The following DMD variants were observed in gnomAD, a reference collection of about 807,000 sequenced individuals.
The protein encoded by DMD is dystrophin.
In DMD, 63 loss-of-function variants were observed where a neutral mutation model predicts 330.1. That is an observed-to-expected ratio of 0.19 (90% CI 0.16 to 0.24). The LOEUF is 0.24. Among genes scored for constraint, DMD ranks in the 10% least tolerant of loss-of-function variants. The pLI, the probability that DMD is intolerant of heterozygous loss-of-function variation, is 1.00. For synonymous variants in DMD, 1,223 were observed against 959.8 expected (o/e 1.27, Z -5.07); for missense variants, 3,344 against 2,684.1 (o/e 1.25, Z -5.43).
intron 2 of DMD, among the ~76,000 whole-genome samples, chrX:32,953,950 C>T (rs892569917): frequency 7.1e-5 from 8 of 112,061 alleles, no homozygotes; most frequent in African/African-American, 2.6e-4. Context: ...CTTGTTAATG[C>T]GTTCCTCAGA....
intron 52 of DMD, among the ~76,000 whole-genome samples, chrX:31,711,981 G>T (rs947839770): frequency 2.7e-5 from 3 of 110,669 alleles, no homozygotes; most frequent in African/African-American, 9.9e-5. Context: ...TACTATAACG[G>T]CATTTGAAAA....
At chrX:32,421,551 C>A (rs2098189908) in intron 29 of DMD, among the ~76,000 whole-genome samples, 2 of 111,777 alleles carry the variant, frequency 1.8e-5, no homozygotes, top group East Asian at 5.7e-4. Flanking sequence ...CAGATAAACA[C>A]TGGCAGAATG....
intron 21 of DMD, among the ~76,000 whole-genome samples, chrX:32,484,092 A>G (rs528448240): frequency 9.0e-6 from 1 of 111,384 alleles, no homozygotes; most frequent in East Asian, 2.8e-4. Context: ...TCAGAAAAAT[A>G]CTTTTATCTT....
intron 2 of DMD, among the ~76,000 whole-genome samples, chrX:32,876,445 G>A (rs990029328): frequency 1.8e-5 from 2 of 111,767 alleles, no homozygotes; most frequent in African/African-American, 6.5e-5. Context: ...TTATTCTGTA[G>A]ATTGTATTTT....
intron 68 of DMD, among the ~76,000 whole-genome samples, chrX:31,182,369 T>C (rs1405333806): frequency 8.9e-6 from 1 of 112,408 alleles, no homozygotes; most frequent in Non-Finnish European, 1.9e-5. Flanking sequence ...GGGAAGTTTC[T>C]ATAAACAGGA....
chrX:32,098,946 T>C (rs1375974234), intron 44 of DMD, among the ~76,000 whole-genome samples: 1 of 112,150 alleles, frequency 8.9e-6, no homozygotes, highest in East Asian at 2.8e-4. Context: ...CATTAAAAAG[T>C]TCCAGAATCG....
chrX:31,691,936 A>G (rs2083153014), intron 52 of DMD, among the ~76,000 whole-genome samples: 1 of 111,802 alleles, frequency 8.9e-6, no homozygotes, highest in South Asian at 3.7e-4. Context: ...TAACAGACAT[A>G]TACAGAACAT....
chrX:31,873,312 A>G (rs757433312), intron 48 of DMD, among the ~76,000 whole-genome samples: 2 of 111,598 alleles, frequency 1.8e-5, no homozygotes, highest in Admixed American at 1.9e-4. Context: ...GTCAGGAGGA[A>G]GTAAGGTAAA....
intron 51 of DMD, among the ~76,000 whole-genome samples, chrX:31,771,359 T>G (rs1346387804): frequency 1.8e-5 from 2 of 110,201 alleles, no homozygotes; most frequent in African/African-American, 6.6e-5. Flanking sequence ...TTAGATTTTT[T>G]TATAAATATG....
intron 1 of DMD, among the ~76,000 whole-genome samples, chrX:33,045,315 T>TACACACACACAC (rs55970492): frequency 0.071 from 6,876 of 96,508 alleles, 258 homozygotes; most frequent in African/African-American, 0.11. Context: ...CACAGGTGCG[T>TACACACACACAC]ACACACACAC....
chrX:31,474,662 T>C (rs987724435), intron 59 of DMD, among the ~76,000 whole-genome samples: 1 of 101,622 alleles, frequency 9.8e-6, no homozygotes, highest in South Asian at 4.4e-4. Context: ...TGAGCCGAGA[T>C]AGCACCACTG....
intron 44 of DMD, among the ~76,000 whole-genome samples, chrX:32,118,707 G>T (rs903160108): frequency 9.2e-6 from 1 of 108,548 alleles, no homozygotes. Context: ...CCCTATAGCA[G>T]CAATCCCCAA....
chrX:32,658,428 C>T (rs377727770), intron 9 of DMD, among the ~76,000 whole-genome samples: 1 of 111,296 alleles, frequency 9.0e-6, no homozygotes, highest in Admixed American at 9.7e-5. Context: ...CAACTCAGCT[C>T]TGTCACTGCA....
At chrX:32,950,192 G>A (rs182661297) in intron 2 of DMD, among the ~76,000 whole-genome samples, 1 of 111,139 alleles carries the variant, frequency 9.0e-6, no homozygotes, top group East Asian at 2.8e-4. Flanking sequence ...AGTAGTAGCA[G>A]CAGCAGCAGT....
At chrX:31,939,925 T>G (rs2094971996) in intron 45 of DMD, among the ~76,000 whole-genome samples, 1 of 111,569 alleles carries the variant, frequency 9.0e-6, no homozygotes, top group African/African-American at 3.3e-5. Flanking sequence ...TGTCAATCTA[T>G]GAGTAAATGT....
intron 1 of DMD, among the ~76,000 whole-genome samples, chrX:33,053,325 G>C (rs1325228962): frequency 9.0e-6 from 1 of 111,484 alleles, no homozygotes; most frequent in African/African-American, 3.3e-5. Flanking sequence ...GCCGGGCGCG[G>C]TGGCTCATGC....
intron 63 of DMD, among the ~76,000 whole-genome samples, chrX:31,224,304 G>A (rs1026297061): frequency 8.9e-6 from 1 of 111,998 alleles, no homozygotes; most frequent in Non-Finnish European, 1.9e-5. Context: ...TGACACCTAC[G>A]AAACCAATTC....
intron 63 of DMD, among the ~76,000 whole-genome samples, chrX:31,257,079 C>G (rs1397364580): frequency 9.3e-6 from 1 of 107,936 alleles, no homozygotes; most frequent in Non-Finnish European, 1.9e-5. Flanking sequence ...TGTTCAAACC[C>G]TGGGTGCAGG....
At chrX:32,741,322 G>A (rs1327573441) in intron 7 of DMD, among the ~76,000 whole-genome samples, 3 of 111,447 alleles carry the variant, frequency 2.7e-5, no homozygotes, top group African/African-American at 9.8e-5. Context: ...ACCTAAACAT[G>A]TACAATTAGC....
Sources: allele counts gnomAD v4.1 joint callset (sites outside exome capture counted in the v4.1 genomes callset), GRCh38; gene constraint gnomAD v4.1.1; transcripts MANE v1.5; gene names NCBI Gene and HGNC (gene_info 2026-07-23, HGNC 2026-07-21).